Variants in ST7 observed in about 807,000 individuals in gnomAD.
The protein encoded by ST7 is suppressor of tumorigenicity 7 protein.
ST7 carries 28 observed loss-of-function variants against 78.7 expected under a neutral mutation model. The observed-to-expected ratio is 0.36, with a 90% CI of 0.26 to 0.49. ST7 has a LOEUF of 0.49. Ranked by LOEUF, ST7 falls within the 20% of genes least tolerant of loss-of-function variation. ST7 has a pLI of 0.99. For missense variants in ST7, 418 were observed against 696.0 expected (o/e 0.60, Z 4.49); for synonymous variants, 247 against 249.6 (o/e 0.99, Z 0.10).
At chr7:117,174,527 C>A (rs1309862068) in intron 10 of ST7, among the ~76,000 whole-genome samples, 1 of 151,930 alleles carries the variant, frequency 6.6e-6, no homozygotes, top group Non-Finnish European at 1.5e-5. Context: ...AGAACAACTT[C>A]ATTAAATATG....
At chr7:116,958,162 A>ATTTTTT (rs34132237) in intron 1 of ST7, among the ~76,000 whole-genome samples, 102 of 95,606 alleles carry the variant, frequency 1.1e-3, no homozygotes, top group East Asian at 1.3e-3. Flanking sequence ...TGCGTGGCTA[A>ATTTTTT]TTTTTTTTTT....
intron 1 of ST7, 105 bp downstream of exon 1, chr7:116,953,796 G>T: frequency 7.5e-6 from 6 of 802,638 alleles, no homozygotes; most frequent in Non-Finnish European, 9.2e-6. Context: ...GGGACGCGCC[G>T]GGGCCCGCGC....
At chr7:117,013,598 C>T (rs1052724972) in intron 1 of ST7, among the ~76,000 whole-genome samples, 5 of 152,284 alleles carry the variant, frequency 3.3e-5, no homozygotes, top group African/African-American at 4.8e-5. Context: ...GAGGCTGAGG[C>T]GGGCGGATAA....
intron 1 of ST7, among the ~76,000 whole-genome samples, chr7:116,969,381 G>T (rs981418037): frequency 6.6e-6 from 1 of 152,180 alleles, no homozygotes; most frequent in Admixed American, 6.5e-5. Flanking sequence ...GCTTAATTGA[G>T]ATTTGTTTGA....
chr7:117,194,176 C>T (rs1402557936), intron 12 of ST7, among the ~76,000 whole-genome samples: 1 of 152,228 alleles, frequency 6.6e-6, no homozygotes, highest in African/African-American at 2.4e-5. Context: ...AGGAAGCAAA[C>T]ACATAGGCTC....
At chr7:117,145,845 A>G (rs1805741912) in intron 9 of ST7, among the ~76,000 whole-genome samples, 1 of 152,156 alleles carries the variant, frequency 6.6e-6, no homozygotes. Flanking sequence ...AGGTCAGCTA[A>G]AAACATGTTT....
chr7:117,014,974 T>C (rs2115956655), intron 1 of ST7: 1 of 1,363,936 alleles, frequency 7.3e-7, no homozygotes, highest in East Asian at 2.8e-5. Context: ...ACTTGGAAAA[T>C]ACTCAGTTTC....
At chr7:117,094,278 G>A (rs1199043253) in intron 1 of ST7, among the ~76,000 whole-genome samples, 20 of 152,118 alleles carry the variant, frequency 1.3e-4, no homozygotes, top group Admixed American at 1.3e-3. Context: ...CCAGGGCTGC[G>A]GTACTCTGCA....
intron 12 of ST7, among the ~76,000 whole-genome samples, chr7:117,209,413 T>G (rs1311087836): frequency 6.6e-6 from 1 of 152,276 alleles, no homozygotes; most frequent in Non-Finnish European, 1.5e-5. Flanking sequence ...GCACTTGGTT[T>G]AGCCACATAA....
intron 1 of ST7, among the ~76,000 whole-genome samples, chr7:117,095,834 G>C: frequency 6.6e-6 from 1 of 151,922 alleles, no homozygotes; most frequent in Middle Eastern, 3.2e-3. Context: ...TTGGGAGGCC[G>C]AGGTGGGCGG....
intron 2 of ST7, among the ~76,000 whole-genome samples, chr7:117,101,707 G>A (rs774181155): frequency 5.3e-5 from 8 of 152,148 alleles, no homozygotes; most frequent in Non-Finnish European, 5.9e-5. Context: ...ACTATTAGAA[G>A]TAGAGTCCTT....
At chr7:117,217,393 G>A (rs981609681) in intron 13 of ST7, among the ~76,000 whole-genome samples, 9 of 151,946 alleles carry the variant, frequency 5.9e-5, no homozygotes, top group East Asian at 1.9e-4. Context: ...AAATCCTGCC[G>A]TAATGTAGTT....
In ST7 at chr7:116,970,510, C is replaced by T. The variant is rs185568212; in HGVS notation, c.151+16819C>T. 1.9e-3 allele frequency among the ~76,000 whole-genome samples: 288 copies of T among 152,272 alleles called. 2 individuals carry two copies. The highest frequency in any genetic ancestry group is 0.014 in the Middle Eastern group (4 of 294). Reference sequence around the variant, plus strand: ...TTGCAGATGGCCTTCTCCTTGTGTCCTCACATGGAAGAGAGCAGAGAGAGG... The same window carrying T: ...TTGCAGATGGCCTTCTCCTTGTGTCTTCACATGGAAGAGAGCAGAGAGAGG... On this transcript the variant is annotated intron_variant, in intron 1 of 15. Transcript: ENST00000323984.
At chr7:116,981,147 C>T (rs978922127) in intron 1 of ST7, among the ~76,000 whole-genome samples, 1 of 151,816 alleles carries the variant, frequency 6.6e-6, no homozygotes, top group Non-Finnish European at 1.5e-5. Context: ...CTTGCTCTGT[C>T]ACCCAGGCTG....
chr7:116,965,286 G>C (rs1343173934), intron 1 of ST7, among the ~76,000 whole-genome samples: 3 of 150,128 alleles, frequency 2.0e-5, no homozygotes, highest in Non-Finnish European at 4.4e-5. Flanking sequence ...CTTGCAGTGA[G>C]CTGAGATTGC....
At position 116,994,685 on chromosome 7, in the gene ST7, A is replaced by C. The variant is rs564923770; in HGVS notation, c.151+40994A>C. 1.7e-4 allele frequency among the ~76,000 whole-genome samples: 26 copies of C among 152,376 alleles called. No individual in the cohort carries two copies. The South Asian group carries it at 5.4e-3, about 32-fold the overall frequency. The stretch of plus-strand genomic sequence containing the variant: ...ATTTTTCTACTCAAGACTATTAAAA[A>C]TGAATTCATTAACCATTCGAGGGAA... On this transcript the variant is annotated intron_variant, in intron 1 of 15. Coordinates refer to ENST00000323984, the MANE Select transcript of ST7 (RefSeq NM_001369598.1).
chr7:117,188,805 A>T (rs1369448277), intron 10 of ST7, among the ~76,000 whole-genome samples: 1 of 150,034 alleles, frequency 6.7e-6, no homozygotes. Context: ...AACAAGCACT[A>T]TTAAAAATTG....
chr7:117,064,852 G>T (rs1412973304), intron 1 of ST7, among the ~76,000 whole-genome samples: 1 of 152,144 alleles, frequency 6.6e-6, no homozygotes, highest in African/African-American at 2.4e-5. Flanking sequence ...GGAGTTGATG[G>T]ATCCCCACTG....
At chr7:116,971,938 C>T (rs908093698) in intron 1 of ST7, among the ~76,000 whole-genome samples, 3 of 152,216 alleles carry the variant, frequency 2.0e-5, no homozygotes, top group African/African-American at 7.2e-5. Context: ...CTCACATTCC[C>T]TTAAATGTTG....
Sources: allele counts gnomAD v4.1 joint callset (sites outside exome capture counted in the v4.1 genomes callset), GRCh38; gene constraint gnomAD v4.1.1; transcripts MANE v1.5; gene names NCBI Gene and HGNC (gene_info 2026-07-23, HGNC 2026-07-21).